Variants in LIME1 observed in about 807,000 individuals in gnomAD.
The protein encoded by LIME1 is lck-interacting transmembrane adapter 1.
Under a neutral mutation model 18.8 loss-of-function variants are expected in LIME1, and 23 were observed. That is an observed-to-expected ratio of 1.22 (90% CI 0.88 to 1.73). LIME1 has a LOEUF of 1.73. LIME1 is among the 40% of genes most tolerant of loss of function. The pLI, the probability that LIME1 is intolerant of heterozygous loss-of-function variation, is 0.00. For missense variants in LIME1, 423 were observed against 396.8 expected (o/e 1.07, Z -0.56); for synonymous variants, 177 against 182.3 (o/e 0.97, Z 0.23).
upstream of LIME1, chr20:63,736,628 T>C: frequency 1.1e-5 from 11 of 986,412 alleles, no homozygotes; most frequent in Non-Finnish European, 1.2e-5. Flanking sequence ...CAGGAAGTGA[T>C]GAGGTGGGGA....
chr20:63,737,496 T>C, intron 1 of LIME1, 37 bp from the exon 2 acceptor site: 1 of 1,430,918 alleles, frequency 7.0e-7, no homozygotes. Flanking sequence ...CCAGGTCCCC[T>C]TGGCCAGCCC....
At chr20:63,736,175 G>A (rs1223972104), upstream of LIME1, 2 of 519,102 alleles carry the variant, frequency 3.9e-6, no homozygotes, top group Non-Finnish European at 6.8e-6. Flanking sequence ...CAGGGTCTCT[G>A]GGGAGAGAAG....
chr20:63,738,119 C>T (rs2092017559), intron 4 of LIME1, 59 bp downstream of exon 4: 3 of 1,523,780 alleles, frequency 2.0e-6, no homozygotes, highest in South Asian at 1.2e-5. Context: ...CGCGTGCCAA[C>T]CCCTGGGCCA....
upstream of LIME1, chr20:63,736,446 C>T: frequency 4.3e-6 from 1 of 232,292 alleles, no homozygotes; most frequent in Non-Finnish European, 7.3e-6. Flanking sequence ...TGTGCCAGCT[C>T]TGCTCACGTC....
At position 63,738,724 on chromosome 20, in the gene LIME1, C is replaced by A; in HGVS notation, c.712C>A (p.Leu238Ile). The change falls in exon 6 of 6, where the codon CTC becomes ATC. Residue 238 changes from leucine (L) to isoleucine (I), a missense_variant. By Grantham distance (5) the Leu-to-Ile change is conservative. Coordinates refer to ENST00000309546, the MANE Select transcript of LIME1 (RefSeq NM_017806.4). ...ALAGDLAYQTLPLRALDVDSG... is the reference protein window; with the variant it reads ...ALAGDLAYQTIPLRALDVDSG... Reference sequence around the variant, plus strand: ...GGCGGGTGACCTGGCCTACCAGACCCTCCCGCTCAGGGCCCTGGATGTGGA... The same window carrying A: ...GGCGGGTGACCTGGCCTACCAGACCATCCCGCTCAGGGCCCTGGATGTGGA... 1 of 1,613,040 alleles carries A rather than the reference C, an allele frequency of 6.2e-7. No individual in the cohort carries two copies. Among genetic ancestry groups the A allele is most frequent in the Non-Finnish European group, 8.5e-7 (1 of 1,179,918 alleles).
At chr20:63,737,787 A>AGGGCC in intron 2 of LIME1, 34 bp from the exon 3 acceptor site, 5 of 1,322,736 alleles carry the variant, frequency 3.8e-6, no homozygotes, top group Non-Finnish European at 5.0e-6. Context: ...GAGGCTGACG[A>AGGGCC]CCCCGCCCCC....
chr20:63,737,734 C>G, intron 2 of LIME1, 87 bp downstream of exon 2: 1 of 1,419,668 alleles, frequency 7.0e-7, no homozygotes, highest in Non-Finnish European at 9.2e-7. Context: ...GGCAGGTCCG[C>G]GCACCCAGCT....
rs1269093335 is a variant in LIME1 at position 63,736,875 on chromosome 20, C to G, written c.-18+163C>G. On this transcript the variant is annotated intron_variant, in intron 1 of 5. Transcript: ENST00000309546. ...CCCAGCTTCTGTCTCTGCTGCTGGA[C>G]TGTGCTGTTTGTAAGGCATCCCCCA... is the stretch of plus-strand genomic sequence containing the variant. The G allele has an allele frequency of 4.1e-6, 4 of 986,804 alleles. No homozygotes were observed. The African/African-American group carries it at 7.0e-5, about 17-fold the overall frequency. 61.1% of individuals were successfully genotyped at this position (986,804 alleles called of 1,614,324 possible).
In LIME1 at chr20:63,738,304, G is replaced by T. The variant is rs1443748548; in HGVS notation, c.390G>T (p.Pro130=). The part of the protein sequence containing the change: ...FPHQELPRAL[P]AAAATAGCAG... Reference sequence around the variant, plus strand: ...ACCAGGAGCTGCCCCGGGCTCTGCCGGCAGCTGCAGCCACCGCAGGGTGCG... The same window carrying T: ...ACCAGGAGCTGCCCCGGGCTCTGCCTGCAGCTGCAGCCACCGCAGGGTGCG... The change falls in exon 5 of 6, where the codon CCG becomes CCT. Residue 130 remains proline (P), a synonymous_variant. Coordinates refer to ENST00000309546, the MANE Select transcript of LIME1 (RefSeq NM_017806.4). 2 of 1,565,654 alleles carry T rather than the reference G, an allele frequency of 1.3e-6. No individual in the cohort carries two copies. Among genetic ancestry groups the T allele is most frequent in the South Asian group, 1.2e-5 (1 of 86,138 alleles).
chr20:63,737,483 G>A, intron 1 of LIME1, 50 bp from the exon 2 acceptor site: 1 of 1,407,518 alleles, frequency 7.1e-7, no homozygotes, highest in Non-Finnish European at 9.3e-7. Context: ...CTGCCAGGTG[G>A]CGCCAGGTCC....
chr20:63,738,277 A>G lies in LIME1; in HGVS notation c.363A>G (p.Pro121=), dbSNP rs1357641635. 7.0e-6 allele frequency: 11 copies of G among 1,581,064 alleles called. No individual in the cohort carries two copies. The Admixed American group carries it at 1.6e-4, about 23-fold the overall frequency. ...CGCAGGCAGCCCCCTCTGCCTTCCC[A>G]CACCAGGAGCTGCCCCGGGCTCTGC... The part of the protein sequence containing the change: ...TGPQAAPSAF[P]HQELPRALPA... The change falls in exon 5 of 6, where the codon CCA becomes CCG. Residue 121 remains proline (P), a synonymous_variant. Transcript: ENST00000309546.
chr20:63,736,312 A>AC (rs2091989642), upstream of LIME1: 11 of 213,490 alleles, frequency 5.2e-5, no homozygotes, highest in South Asian at 6.7e-4. Context: ...GCTGCCTGAC[A>AC]CCCACAGATG....
In LIME1 at chr20:63,738,418, C is replaced by A; in HGVS notation, c.504C>A (p.Ala168=). The change falls in exon 5 of 6, where the codon GCC becomes GCA. Residue 168 remains alanine, a synonymous_variant. Transcript: ENST00000309546. ...CCAGCCCTGTGGTGGCCGAGTATGC[C>A]CGCGTCCAGAAGCGCAAAGGGACCC... ...LAASPVVAEY[A]RVQKRKGTHR... 6.5e-7 allele frequency: 1 copy of A among 1,548,248 alleles called. No individual in the cohort carries two copies. Among genetic ancestry groups the A allele is most frequent in the East Asian group, 2.3e-5 (1 of 43,022 alleles).
chr20:63,737,235 A>C, intron 1 of LIME1: 4 of 1,138,016 alleles, frequency 3.5e-6, no homozygotes, highest in East Asian at 4.8e-5. Flanking sequence ...TATCTGGGCT[A>C]TGGTGGCCAC....
chr20:63,736,359 C>T (rs1264652875), upstream of LIME1: 14 of 183,398 alleles, frequency 7.6e-5, no homozygotes, highest in South Asian at 3.0e-4. Flanking sequence ...GCGAGACGGG[C>T]GGGAGAGGAC....
At position 63,739,090 on chromosome 20, in the gene LIME1, G is replaced by A; in HGVS notation, c.*190G>A. 1.8e-6 allele frequency: 1 copy of A among 546,132 alleles called. No individual in the cohort carries two copies. Among genetic ancestry groups the A allele is most frequent in the South Asian group, 2.9e-5 (1 of 34,486 alleles). The allele number at this position is 546,132 out of a possible 1,614,324, so 33.8% of individuals were successfully genotyped here. A position where few individuals can be genotyped will look rare whatever the true frequency, so the allele number is the denominator to read the frequency against. ...GCCCGCGTCTAAATAAAGCGCCAGCGCAGGATGAAAGCGGCCAGCCTCGCA... is the reference window on the plus strand; with the variant it reads ...GCCCGCGTCTAAATAAAGCGCCAGCACAGGATGAAAGCGGCCAGCCTCGCA... On this transcript the variant is annotated 3_prime_UTR_variant, in exon 6 of 6. Transcript: ENST00000309546.
chr20:63,738,703 G>C lies in LIME1; in HGVS notation c.691G>C (p.Gly231Arg). The C allele has an allele frequency of 1.9e-6, 3 of 1,612,886 alleles. No individual in the cohort carries two copies. Among genetic ancestry groups the C allele is most frequent in the Non-Finnish European group, 2.5e-6 (3 of 1,179,882 alleles). Residue 231 changes from glycine (G) to arginine (R), a missense_variant, in exon 6 of 6, where the codon GGT becomes CGT. Gly to Arg is a moderately radical substitution (Grantham distance 125). Coordinates refer to ENST00000309546, the MANE Select transcript of LIME1 (RefSeq NM_017806.4). ...KGQGAILALA[G>R]DLAYQTLPLR... ...CCAGGGAGCGATTCTGGCCCTGGCG[G>C]GTGACCTGGCCTACCAGACCCTCCC...
chr20:63,738,687 G>A lies in LIME1; in HGVS notation c.675G>A (p.Ala225=). ...CGCTGGACCCCAAGGGCCAGGGAGCGATTCTGGCCCTGGCGGGTGACCTGG... is the reference window on the plus strand; with the variant it reads ...CGCTGGACCCCAAGGGCCAGGGAGCAATTCTGGCCCTGGCGGGTGACCTGG... ...TDPLDPKGQG[A]ILALAGDLAY... The change falls in exon 6 of 6, where the codon GCG becomes GCA. Residue 225 remains alanine, a synonymous_variant. Transcript: ENST00000309546. 1 of 1,612,826 alleles carries A rather than the reference G, an allele frequency of 6.2e-7. No homozygotes were observed. The highest frequency in any genetic ancestry group is 8.5e-7 in the Non-Finnish European group (1 of 1,179,840).
chr20:63,738,664 C>G lies in LIME1; in HGVS notation c.652C>G (p.Leu218Val), dbSNP rs1346315338. Residue 218 changes from leucine to valine, a missense_variant, in exon 6 of 6, where the codon CTG (leucine) becomes GTG (valine). Coordinates refer to ENST00000309546, the MANE Select transcript of LIME1 (RefSeq NM_017806.4). The stretch of plus-strand genomic sequence containing the variant: ...GGACCCAGGACCCACCACAGACCCG[C>G]TGGACCCCAAGGGCCAGGGAGCGAT... Reference protein sequence around the residue: ...RRDPGPTTDPLDPKGQGAILA... With the variant: ...RRDPGPTTDPVDPKGQGAILA... 6.2e-7 allele frequency: 1 copy of G among 1,611,936 alleles called. No individual in the cohort carries two copies. The highest frequency in any genetic ancestry group is 8.5e-7 in the Non-Finnish European group (1 of 1,179,348).
Sources: gnomAD v4.1 joint callset for allele counts on GRCh38, gnomAD v4.1.1 for gene constraint, MANE v1.5 for transcripts, NCBI Gene and HGNC (gene_info 2026-07-23, HGNC 2026-07-21) for gene names.